The following COL24A1 variants were observed in gnomAD, a reference collection of about 807,000 sequenced individuals.
COL24A1 encodes collagen alpha-1(XXIV) chain.
A neutral mutation model predicts 253.9 loss-of-function variants in COL24A1; 224 were observed. That is an observed-to-expected ratio of 0.88 (90% CI 0.79 to 0.99). The LOEUF (loss-of-function observed/expected upper bound fraction) is 0.99. Ranked by LOEUF, COL24A1 falls within the 50% of genes least tolerant of loss-of-function variation. The pLI is 0.00. For synonymous variants in COL24A1, 685 were observed against 673.7 expected (o/e 1.02, Z -0.26); for missense variants, 2,131 against 2,068.5 (o/e 1.03, Z -0.59).
Position 85,819,631 on chromosome 1 carries a change from T to C in COL24A1, c.3790-1544A>G, listed in dbSNP as rs139660645. Among the ~76,000 whole-genome samples, 221 of 152,250 alleles carry C rather than the reference T, an allele frequency of 1.5e-3. 1 individual carries two copies. The highest frequency in any genetic ancestry group is 5.0e-3 in the African/African-American group (209 of 41,560). ...TTGAGTTAAAAACCAAGGTTTGTTA[T>C]AAAGGACTCAAGTCATAAAATTTAT... On this transcript the variant is annotated intron_variant, in intron 45 of 59. Coordinates refer to ENST00000370571, the MANE Select transcript of COL24A1 (RefSeq NM_152890.7).
chr1:86,022,620 C>T, intron 16 of COL24A1, 29 bp from the exon 17 acceptor site: 1 of 1,597,164 alleles, frequency 6.3e-7, no homozygotes, highest in Non-Finnish European at 8.5e-7. Context: ...TGCAAAGATA[C>T]TTATGTATCA....
intron 7 of COL24A1, among the ~76,000 whole-genome samples, chr1:86,075,365 A>T (rs957762018): frequency 2.0e-5 from 3 of 152,182 alleles, no homozygotes; most frequent in African/African-American, 7.2e-5. Context: ...CCCTGAATAG[A>T]TCAATAACGA....
chr1:85,874,510 G>T (rs11161696), intron 35 of COL24A1, 139 bp downstream of exon 35: 604,155 of 747,014 alleles, frequency 0.81, 245,919 homozygotes, highest in Non-Finnish European at 0.84. Context: ...GCTTTTGAAA[G>T]TATGAAATGA....
chr1:85,889,472 A>G, intron 32 of COL24A1, 88 bp downstream of exon 32: 2 of 1,113,462 alleles, frequency 1.8e-6, no homozygotes, highest in Admixed American at 3.8e-5. Context: ...TCTAAAACAT[A>G]CCAGTCACAG....
intron 6 of COL24A1, among the ~76,000 whole-genome samples, chr1:86,091,206 TA>T (rs1334138149): frequency 6.6e-6 from 1 of 151,988 alleles, no homozygotes; most frequent in Non-Finnish European, 1.5e-5. Context: ...ATAATAAAAT[TA>T]CTAAAATTTT....
At chr1:86,095,955 C>T (rs1557601197) in intron 5 of COL24A1, among the ~76,000 whole-genome samples, 1 of 151,942 alleles carries the variant, frequency 6.6e-6, no homozygotes, top group Non-Finnish European at 1.5e-5. Context: ...GGTAGAGGAC[C>T]CATTAACATG....
At chr1:85,901,203 C>T (rs1037531910) in intron 28 of COL24A1, among the ~76,000 whole-genome samples, 1 of 152,020 alleles carries the variant, frequency 6.6e-6, no homozygotes, top group African/African-American at 2.4e-5. Context: ...ACTCAAACAA[C>T]TCAGTAGTTA....
intron 8 of COL24A1, among the ~76,000 whole-genome samples, chr1:86,061,013 G>A (rs1174633074): frequency 6.6e-6 from 1 of 151,822 alleles, no homozygotes; most frequent in Non-Finnish European, 1.5e-5. Context: ...CTATAAGATA[G>A]ATATCTTTAT....
rs575997078 is a variant in COL24A1 at position 85,841,428 on chromosome 1, T to C, written c.3571-150A>G. 1.6e-3 allele frequency: 903 copies of C among 580,114 alleles called. 3 individuals are homozygous for C. The highest frequency in any genetic ancestry group is 1.9e-3 in the Non-Finnish European group (646 of 331,352). The allele number at this position is 580,114 out of a possible 1,614,324, so 35.9% of individuals were successfully genotyped here. A position where few individuals can be genotyped will look rare whatever the true frequency, so the allele number is the denominator to read the frequency against. On this transcript the variant is annotated intron_variant, in intron 41 of 59. Coordinates refer to ENST00000370571, the MANE Select transcript of COL24A1 (RefSeq NM_152890.7). ...ACTTTGATGTAAGAAACTAAGCCTA[T>C]GATATTTTATACAGAGTTGTAATTT...
intron 28 of COL24A1, among the ~76,000 whole-genome samples, chr1:85,900,815 G>T (rs1178606787): frequency 6.6e-6 from 1 of 152,110 alleles, no homozygotes; most frequent in Non-Finnish European, 1.5e-5. Context: ...AATGGGGAAT[G>T]GATGGCCTCT....
intron 31 of COL24A1, among the ~76,000 whole-genome samples, chr1:85,893,395 T>C (rs1385254946): frequency 6.6e-6 from 1 of 151,904 alleles, no homozygotes; most frequent in South Asian, 2.1e-4. Context: ...TTAGAAAGAA[T>C]TAAAGGGAGA....
At chr1:85,889,437 A>G (rs1051811037) in intron 32 of COL24A1, 123 bp downstream of exon 32, 46 of 770,182 alleles carry the variant, frequency 6.0e-5, no homozygotes, top group Non-Finnish European at 8.8e-5. Context: ...TGATTAGTCT[A>G]TGGTGTCTAT....
At chr1:85,888,450 C>T (rs1478837933) in intron 32 of COL24A1, among the ~76,000 whole-genome samples, 1 of 151,930 alleles carries the variant, frequency 6.6e-6, no homozygotes, top group Non-Finnish European at 1.5e-5. Context: ...TTATATATAC[C>T]AGACATTATA....
chr1:85,761,682 T>C, intron 53 of COL24A1, 116 bp from the exon 54 acceptor site: 1 of 954,192 alleles, frequency 1.0e-6, no homozygotes, highest in Admixed American at 2.1e-5. Flanking sequence ...AGTCATACAA[T>C]TTAAAATTGT....
At chr1:86,084,802 G>C (rs1702937821) in intron 7 of COL24A1, among the ~76,000 whole-genome samples, 1 of 152,104 alleles carries the variant, frequency 6.6e-6, no homozygotes, top group East Asian at 1.9e-4. Context: ...CTTGCCTGTT[G>C]GGGAGTTCAG....
chr1:85,813,137 GA>G (rs146655969), intron 47 of COL24A1, among the ~76,000 whole-genome samples: 12 of 146,942 alleles, frequency 8.2e-5, no homozygotes, highest in South Asian at 2.1e-4. Context: ...AGTGCTAAGT[GA>G]AAAAAAAAAG....
intron 7 of COL24A1, among the ~76,000 whole-genome samples, chr1:86,085,848 A>G (rs1336976299): frequency 6.6e-6 from 1 of 152,224 alleles, no homozygotes; most frequent in Non-Finnish European, 1.5e-5. Flanking sequence ...TGGTTTCAAA[A>G]AATGGGAATG....
In COL24A1 at chr1:86,125,129, C is replaced by G; in HGVS notation, c.1207G>C (p.Asp403His). The stretch of plus-strand genomic sequence containing the variant: ...GCCTTCTTGAGATTAGTAATTGTAT[C>G]TTGTTTAATTTGTGGAAGAATAGAT... ...MPSILPQIKQ[D>H]TITNLKKAIT... is the part of the protein sequence containing the mutation. The change falls in exon 3 of 60, where the codon GAT becomes CAT. Residue 403 changes from aspartate (D) to histidine (H), a missense_variant. Transcript: ENST00000370571. 1.2e-6 allele frequency: 2 copies of G among 1,613,286 alleles called. No homozygotes were observed. Among genetic ancestry groups the G allele is most frequent in the Non-Finnish European group, 1.7e-6 (2 of 1,179,716 alleles).
chr1:86,087,299 C>G (rs779691316), intron 7 of COL24A1, among the ~76,000 whole-genome samples: 6 of 152,050 alleles, frequency 3.9e-5, no homozygotes, highest in Admixed American at 1.3e-4. Context: ...GTTACATAGA[C>G]CAAAAAGAAT....
Sources: gnomAD v4.1 joint callset for allele counts (sites outside exome capture counted in the v4.1 genomes callset) on GRCh38, gnomAD v4.1.1 for gene constraint, MANE v1.5 for transcripts, NCBI Gene and HGNC (gene_info 2026-07-23, HGNC 2026-07-21) for gene names.